PLAAT3: variants seen among roughly 807,000 people sequenced by gnomAD.
PLAAT3 encodes phospholipase A and acyltransferase 3, also known as Ca-independent phospholipase A1/2.
A neutral mutation model predicts 16.7 loss-of-function variants in PLAAT3; 21 were observed. The observed-to-expected ratio is 1.26, with a 90% CI of 0.89 to 1.81. PLAAT3 has a LOEUF of 1.81. PLAAT3 is among the 40% of genes most tolerant of loss of function. The pLI, the probability that PLAAT3 is intolerant of heterozygous loss-of-function variation, is 0.00. For synonymous variants in PLAAT3, 76 were observed against 81.7 expected (o/e 0.93, Z 0.38); for missense variants, 219 against 213.7 (o/e 1.02, Z -0.16).
chr11:63,615,284 A>G (rs200619845), upstream of PLAAT3, among the ~76,000 whole-genome samples: 18,737 of 64,902 alleles, frequency 0.29, 8,320 homozygotes, highest in Non-Finnish European at 0.41. Flanking sequence ...ATGTGTATAT[A>G]TGTGTATATA....
chr11:63,609,839 C>T, intron 2 of PLAAT3, among the ~76,000 whole-genome samples: 1 of 152,184 alleles, frequency 6.6e-6, no homozygotes, highest in East Asian at 1.9e-4. Flanking sequence ...TCCACCCTCC[C>T]AGACTTTGAC....
At chr11:63,584,404 T>G (rs2134398306) in intron 4 of PLAAT3, among the ~76,000 whole-genome samples, 1 of 152,038 alleles carries the variant, frequency 6.6e-6, no homozygotes, top group East Asian at 1.9e-4. Flanking sequence ...AGGAGAATCT[T>G]TTTTTTAGAA....
chr11:63,607,924 C>T (rs981867624), intron 2 of PLAAT3, among the ~76,000 whole-genome samples: 3 of 152,018 alleles, frequency 2.0e-5, no homozygotes, highest in East Asian at 3.9e-4. Context: ...CAGTGGCTCA[C>T]GCCTGTAATC....
rs538478032 is a variant in PLAAT3 at position 63,590,360 on chromosome 11, C to A, written c.127G>T (p.Ala43Ser). 2 of 1,613,814 alleles carry A rather than the reference C, an allele frequency of 1.2e-6. No homozygotes were observed. Among genetic ancestry groups the A allele is most frequent in the Admixed American group, 1.7e-5 (1 of 60,024 alleles). Residue 43 changes from alanine to serine, a missense_variant, in exon 4 of 5, where the codon GCA becomes TCA. By Grantham distance (99) the Ala-to-Ser change is moderately conservative. Coordinates refer to ENST00000415826, the MANE Select transcript of PLAAT3 (RefSeq NM_001128203.2). ...ATGACACTGGCTGCACCAGCTCCTG[C>A]GACCTCACCTGCAGATCCACAAAGA... Reference protein sequence around the residue: ...VVHLAPPSEVAGAGAASVMSA... With the variant: ...VVHLAPPSEVSGAGAASVMSA...
chr11:63,613,957 G>A, intron 2 of PLAAT3, 43 bp downstream of exon 2: 2 of 1,250,566 alleles, frequency 1.6e-6, no homozygotes, highest in South Asian at 1.2e-5. Context: ...CCACTAACAG[G>A]GGGCTCCCAG....
At chr11:63,585,648 G>C (rs1340742870) in intron 4 of PLAAT3, among the ~76,000 whole-genome samples, 1 of 152,112 alleles carries the variant, frequency 6.6e-6, no homozygotes, top group Non-Finnish European at 1.5e-5. Context: ...TGGCACCTCT[G>C]TTTTTGTTGT....
At chr11:63,583,809 A>C (rs1398055636) in intron 4 of PLAAT3, among the ~76,000 whole-genome samples, 10 of 151,472 alleles carry the variant, frequency 6.6e-5, no homozygotes, top group Admixed American at 6.6e-4. Context: ...TTTTTTTTTT[A>C]AGTGGGCAAA....
chr11:63,590,361 G>C lies in PLAAT3; in HGVS notation c.126C>G (p.Val42=), dbSNP rs117236760. 3.1e-6 allele frequency: 5 copies of C among 1,613,702 alleles called. No homozygotes were observed. Among genetic ancestry groups the C allele is most frequent in the Non-Finnish European group, 4.2e-6 (5 of 1,179,936 alleles). ...YVVHLAPPSE[V]AGAGAASVMS... is the part of the protein sequence containing the mutation. ...TGACACTGGCTGCACCAGCTCCTGC[G>C]ACCTCACCTGCAGATCCACAAAGAG... Residue 42 remains valine, a synonymous_variant, in exon 4 of 5, where the codon GTC becomes GTG. Coordinates refer to ENST00000415826, the MANE Select transcript of PLAAT3 (RefSeq NM_001128203.2).
At chr11:63,615,474 G>T (rs1469557016), upstream of PLAAT3, among the ~76,000 whole-genome samples, 5 of 150,732 alleles carry the variant, frequency 3.3e-5, no homozygotes, top group African/African-American at 1.2e-4. Flanking sequence ...TGAATTAAAG[G>T]CATTTAAAAC....
chr11:63,597,276 G>A (rs1452449912), intron 3 of PLAAT3, among the ~76,000 whole-genome samples: 1 of 152,112 alleles, frequency 6.6e-6, no homozygotes, highest in African/African-American at 2.4e-5. Flanking sequence ...TGCAATCCCA[G>A]CATTTTGGGA....
At chr11:63,594,273 A>C (rs889041539) in intron 3 of PLAAT3, among the ~76,000 whole-genome samples, 1 of 152,226 alleles carries the variant, frequency 6.6e-6, no homozygotes, top group Middle Eastern at 3.4e-3. Flanking sequence ...GGGGGATGTA[A>C]ATTGAGGGTT....
At chr11:63,575,077 T>G in intron 4 of PLAAT3, 31 bp from the exon 5 acceptor site, 2 of 1,429,188 alleles carry the variant, frequency 1.4e-6, no homozygotes, top group Non-Finnish European at 2.0e-6. Flanking sequence ...GGTCACACTC[T>G]GTGTCAGGAT....
chr11:63,613,193 C>G (rs957239367), intron 2 of PLAAT3, among the ~76,000 whole-genome samples: 62 of 152,182 alleles, frequency 4.1e-4, no homozygotes, highest in African/African-American at 1.5e-3. Context: ...GGGCGGAGCA[C>G]GAGGTCAGGA....
intron 3 of PLAAT3, among the ~76,000 whole-genome samples, chr11:63,595,073 T>C (rs75366495): frequency 6.6e-6 from 1 of 151,988 alleles, no homozygotes; most frequent in Non-Finnish European, 1.5e-5. Flanking sequence ...GGCAGATCAC[T>C]TGAGGTCAGG....
intron 2 of PLAAT3, among the ~76,000 whole-genome samples, chr11:63,610,310 G>T (rs1375537135): frequency 6.6e-6 from 1 of 152,244 alleles, no homozygotes; most frequent in Non-Finnish European, 1.5e-5. Context: ...AGCAAAGCGA[G>T]TTGCTGCTGC....
chr11:63,602,814 C>A (rs987617762), intron 2 of PLAAT3, among the ~76,000 whole-genome samples: 2 of 152,164 alleles, frequency 1.3e-5, no homozygotes, highest in African/African-American at 4.8e-5. Flanking sequence ...CTATGATGGC[C>A]AGGCGCAGCG....
chr11:63,612,898 C>A (rs1322323828), intron 2 of PLAAT3, among the ~76,000 whole-genome samples: 1 of 152,158 alleles, frequency 6.6e-6, no homozygotes, highest in Non-Finnish European at 1.5e-5. Context: ...GACATTATTA[C>A]TATTCATTGC....
At chr11:63,612,085 C>T (rs955749175) in intron 2 of PLAAT3, among the ~76,000 whole-genome samples, 1 of 152,172 alleles carries the variant, frequency 6.6e-6, no homozygotes, top group Non-Finnish European at 1.5e-5. Context: ...TTGCAGCGAG[C>T]CGAGATCACG....
At chr11:63,577,590 T>G (rs1937650811) in intron 4 of PLAAT3, among the ~76,000 whole-genome samples, 1 of 152,056 alleles carries the variant, frequency 6.6e-6, no homozygotes, top group Admixed American at 6.6e-5. Context: ...AAACTATATC[T>G]AGAAAAGAAA....
Sources: gnomAD v4.1 joint callset for allele counts (sites outside exome capture counted in the v4.1 genomes callset) on GRCh38, gnomAD v4.1.1 for gene constraint, MANE v1.5 for transcripts, NCBI Gene and HGNC (gene_info 2026-07-23, HGNC 2026-07-21) for gene names.